Variants in MAPKBP1 observed in about 807,000 individuals in gnomAD.
The protein encoded by MAPKBP1 is mitogen-activated protein kinase binding protein 1, also known as mitogen-activated protein kinase-binding protein 1.
MAPKBP1 carries 71 observed loss-of-function variants against 170.5 expected under a neutral mutation model. The ratio of observed to expected loss-of-function variants is 0.42; its 90% CI spans 0.34 to 0.51. The LOEUF (loss-of-function observed/expected upper bound fraction) is 0.51. Among genes scored for constraint, MAPKBP1 ranks in the 20% least tolerant of loss-of-function variants. The probability of loss-of-function intolerance (pLI) is 0.06; values close to 1 mark genes in which losing one functional copy is unlikely to be tolerated. For synonymous variants in MAPKBP1, 719 were observed against 757.9 expected (o/e 0.95, Z 0.84); for missense variants, 1,598 against 1,933.0 (o/e 0.83, Z 3.25).
Position 41,823,620 on chromosome 15 carries a change from G to A in MAPKBP1, c.3772G>A (p.Val1258Ile), listed in dbSNP as rs1388673853. Reference protein sequence around the residue: ...SMAKISRSISVGENLGLVAEP... With the variant: ...SMAKISRSISIGENLGLVAEP... ...GGCCAAGATATCCCGCAGTATCTCT[G>A]TTGGGGAGAACCTGGGCCTGGTGGC... Residue 1258 changes from valine (V) to isoleucine (I), a missense_variant, in exon 29 of 31, where the codon GTT (valine) becomes ATT (isoleucine). Physicochemically the swap from Val to Ile is conservative, Grantham distance 29. Around this residue, in one of 6 missense-constraint regions of MAPKBP1, gnomAD observed 942 missense variants for 953.2 expected, o/e 0.99. Transcript: ENST00000457542. 4 of 1,614,136 alleles carry A rather than the reference G, an allele frequency of 2.5e-6. No homozygotes were observed. The highest frequency in any genetic ancestry group is 4.5e-5 in the East Asian group (2 of 44,886).
chr15:41,800,934 T>A (rs1207619033), intron 3 of MAPKBP1, among the ~76,000 whole-genome samples: 1 of 150,782 alleles, frequency 6.6e-6, no homozygotes, highest in Admixed American at 6.6e-5. Flanking sequence ...AGGGTCTAAC[T>A]CTATTGCCTA....
intron 3 of MAPKBP1, among the ~76,000 whole-genome samples, chr15:41,810,084 C>T (rs1479923744): frequency 1.3e-5 from 2 of 152,354 alleles, no homozygotes; most frequent in East Asian, 1.9e-4. Flanking sequence ...CCAGCTCTTG[C>T]CAGGTACACA....
At position 41,826,085 on chromosome 15, in the gene MAPKBP1, A is replaced by C. The variant is rs369032981; in HGVS notation, c.*649A>C. 6.5e-6 allele frequency: 1 copy of C among 152,770 alleles called. No homozygotes were observed. 9.5% of individuals were successfully genotyped at this position (152,770 alleles called of 1,614,324 possible). A position where few individuals can be genotyped will look rare whatever the true frequency, so the allele number is the denominator to read the frequency against. Reference sequence around the variant, plus strand: ...ATTCTCCCTCCAAGAGGGGCCCAGCATTGTATTTCCCTGTGACCCCTTACT... The same window carrying C: ...ATTCTCCCTCCAAGAGGGGCCCAGCCTTGTATTTCCCTGTGACCCCTTACT... On this transcript the variant is annotated 3_prime_UTR_variant, in exon 31 of 31. Transcript: ENST00000457542.
At chr15:41,812,752 C>T in intron 7 of MAPKBP1, 99 bp downstream of exon 7, 1 of 1,480,866 alleles carries the variant, frequency 6.8e-7, no homozygotes, top group Non-Finnish European at 9.0e-7. Flanking sequence ...TCTCTGCATT[C>T]CCAGCAGTCA....
In MAPKBP1 at chr15:41,817,607, C is replaced by T. The variant is rs2064914077; in HGVS notation, c.1783-7C>T. 3 of 1,614,178 alleles carry T rather than the reference C, an allele frequency of 1.9e-6. No homozygotes were observed. The highest frequency in any genetic ancestry group is 2.5e-6 in the Non-Finnish European group (3 of 1,180,016). Reference sequence around the variant, plus strand: ...TGTGGGCCTGCCCACATGCTCCACCCCTGCAGTCTGGAGATGGAGTGCAGT... The same window carrying T: ...TGTGGGCCTGCCCACATGCTCCACCTCTGCAGTCTGGAGATGGAGTGCAGT... On this transcript the variant is annotated splice_region_variant and splice_polypyrimidine_tract_variant and intron_variant, in intron 15 of 30. Coordinates refer to ENST00000457542, the MANE Select transcript of MAPKBP1 (RefSeq NM_014994.3). This position sits in a 1 kb window ranked among gnomAD's most constrained non-coding sequence, Gnocchi z 4.2.
chr15:41,822,211 C>G lies in MAPKBP1; in HGVS notation c.3032-14C>G, dbSNP rs756419706. The G allele has an allele frequency of 6.2e-7, 1 of 1,608,612 alleles. No homozygotes were observed. The highest frequency in any genetic ancestry group is 1.7e-5 in the Admixed American group (1 of 59,718). On this transcript the variant is annotated splice_polypyrimidine_tract_variant and intron_variant, in intron 25 of 30. Coordinates refer to ENST00000457542, the MANE Select transcript of MAPKBP1 (RefSeq NM_014994.3). ...GGGTGCAGTGCGATGCCTCTCTCCC[C>G]TCCCCACACCCAGACTCTGAGAGCA...
chr15:41,815,318 C>A lies in MAPKBP1; in HGVS notation c.1230C>A (p.Thr410=), dbSNP rs377392952. 4 of 1,614,168 alleles carry A rather than the reference C, an allele frequency of 2.5e-6. No individual in the cohort carries two copies. Among genetic ancestry groups the A allele is most frequent in the Non-Finnish European group, 3.4e-6 (4 of 1,180,032 alleles). Residue 410 remains threonine, a synonymous_variant, in exon 11 of 31, where the codon ACC becomes ACA. Coordinates refer to ENST00000457542, the MANE Select transcript of MAPKBP1 (RefSeq NM_014994.3). ...GCCTGCCCCCCAGTTCCTTTATTAC[C>A]TGCTCCTCAGACAACACCATCCGCC... ...QACLPPSSFI[T]CSSDNTIRLW... is the part of the protein sequence containing the mutation.
chr15:41,821,068 G>A lies in MAPKBP1; in HGVS notation c.2718G>A (p.Gln906=). Reference sequence around the variant, plus strand: ...CCCTTGAGACTTCACTCACTAGCCAGGTGAGCCTGCTTTCTCCCAGCTCTC... The same window carrying A: ...CCCTTGAGACTTCACTCACTAGCCAAGTGAGCCTGCTTTCTCCCAGCTCTC... ...QEALETSLTS[Q]NEKPPRPQAS... is the part of the protein sequence containing the mutation. Residue 906 remains glutamine, a splice_region_variant and synonymous_variant, in exon 23 of 31, where the codon CAG becomes CAA. Transcript: ENST00000457542. The A allele has an allele frequency of 6.2e-7, 1 of 1,613,608 alleles. No individual in the cohort carries two copies. Among genetic ancestry groups the A allele is most frequent in the African/African-American group, 1.3e-5 (1 of 75,054 alleles).
Position 41,818,977 on chromosome 15 carries a change from A to G in MAPKBP1, c.2291+20A>G, listed in dbSNP as rs746124249. ...CAACCGGTGAGAACAGAATGTGGGC[A>G]AGTGATGGGTGGGTGTGCAGATGGC... On this transcript the variant is annotated intron_variant, in intron 20 of 30. Transcript: ENST00000457542. This position sits in a 1 kb window ranked among gnomAD's most constrained non-coding sequence, Gnocchi z 5.2. The G allele has an allele frequency of 3.7e-6, 6 of 1,612,134 alleles. No individual in the cohort carries two copies. The East Asian group carries it at 1.3e-4, about 36-fold the overall frequency.
chr15:41,818,950 C>T lies in MAPKBP1; in HGVS notation c.2284C>T (p.Pro762Ser). ...ATCCTCTCCCCAAAGGGCTTCTGGA[C>T]CCAACCGGTGAGAACAGAATGTGGG... is the stretch of plus-strand genomic sequence containing the variant. Reference protein sequence around the residue: ...GPSSPQRASGPNRHQAPSMLS... With the variant: ...GPSSPQRASGSNRHQAPSMLS... Residue 762 changes from proline (P) to serine (S), a missense_variant, in exon 20 of 31, where the codon CCC (proline) becomes TCC (serine). Coordinates refer to ENST00000457542, the MANE Select transcript of MAPKBP1 (RefSeq NM_014994.3). This position sits in a 1 kb window ranked among gnomAD's most constrained non-coding sequence, Gnocchi z 5.2. 1.2e-6 allele frequency: 2 copies of T among 1,614,128 alleles called. No homozygotes were observed. The highest frequency in any genetic ancestry group is 1.7e-6 in the Non-Finnish European group (2 of 1,180,018).
At chr15:41,819,750 G>A in intron 22 of MAPKBP1, 100 bp downstream of exon 22, 1 of 1,225,018 alleles carries the variant, frequency 8.2e-7, no homozygotes, top group Non-Finnish European at 1.1e-6. Flanking sequence ...GGGGCATGGG[G>A]TCTGCCCACA....
In MAPKBP1 at chr15:41,812,503, G is replaced by A; in HGVS notation, c.499-13G>A. On this transcript the variant is annotated splice_polypyrimidine_tract_variant and intron_variant, in intron 6 of 30. Transcript: ENST00000457542. ...AGACAGAGCCTTGATTCTTCCTTTG[G>A]CATCCCCTCCAGAAAAACATTGTGG... is the stretch of plus-strand genomic sequence containing the variant. The A allele has an allele frequency of 6.2e-7, 1 of 1,614,140 alleles. No individual in the cohort carries two copies. Among genetic ancestry groups the A allele is most frequent in the South Asian group, 1.1e-5 (1 of 91,082 alleles).
chr15:41,819,547 C>CGGGGGT, intron 21 of MAPKBP1, 48 bp from the exon 22 acceptor site: 1 of 1,228,204 alleles, frequency 8.1e-7, no homozygotes, highest in South Asian at 1.4e-5. Context: ...GGTTGGGTGG[C>CGGGGGT]GGGGGGGGGG....
chr15:41,775,663 G>A (rs1399786310), intron 2 of MAPKBP1, among the ~76,000 whole-genome samples: 3 of 152,232 alleles, frequency 2.0e-5, no homozygotes, highest in Non-Finnish European at 4.4e-5. Context: ...ATGTGCTTGG[G>A]AAGCCAGTTG....
At chr15:41,824,436 GA>G in intron 29 of MAPKBP1, 47 bp from the exon 30 acceptor site, 2 of 1,525,112 alleles carry the variant, frequency 1.3e-6, no homozygotes, top group Non-Finnish European at 8.9e-7. Context: ...GCGGAGGCCT[GA>G]AAGGGCTACA....
chr15:41,781,269 T>G (rs750739406), intron 2 of MAPKBP1, among the ~76,000 whole-genome samples: 11 of 152,136 alleles, frequency 7.2e-5, no homozygotes, highest in Non-Finnish European at 1.2e-4. Context: ...AGAGACAGGA[T>G]TTCAACATGT....
intron 2 of MAPKBP1, among the ~76,000 whole-genome samples, chr15:41,778,528 G>T (rs1222915622): frequency 6.6e-6 from 1 of 152,176 alleles, no homozygotes; most frequent in Non-Finnish European, 1.5e-5. Flanking sequence ...TTTTCAGAGG[G>T]AGGGGAGTCT....
chr15:41,790,407 T>C (rs2064375475), intron 2 of MAPKBP1, among the ~76,000 whole-genome samples: 1 of 152,198 alleles, frequency 6.6e-6, no homozygotes, highest in Non-Finnish European at 1.5e-5. Flanking sequence ...GAGTAGGGAC[T>C]GTTGTTACAT....
rs1479210428 is a variant in MAPKBP1 at position 41,824,621 on chromosome 15, G to T, written c.4299+52G>T. The T allele has an allele frequency of 1.0e-5, 15 of 1,494,598 alleles. No homozygotes were observed. The Admixed American group carries it at 1.6e-4, about 16-fold the overall frequency. 92.6% of individuals were successfully genotyped at this position (1,494,598 alleles called of 1,614,324 possible). On this transcript the variant is annotated intron_variant, in intron 30 of 30. Transcript: ENST00000457542. ...AAGGCGGGCACGTCAGTAGTGCTGG[G>T]TGTTTCGGATAACCATGTCCAGAAC...
Sources: allele counts gnomAD v4.1 joint callset (sites outside exome capture counted in the v4.1 genomes callset), GRCh38; gene constraint gnomAD v4.1.1; regional missense constraint gnomAD v4.1.1; non-coding constraint Gnocchi (gnomAD v3.1); transcripts MANE v1.5; gene names NCBI Gene and HGNC (gene_info 2026-07-23, HGNC 2026-07-21).